LAMC3: variants seen among roughly 807,000 people sequenced by gnomAD.
The protein encoded by LAMC3 is laminin subunit gamma-3.
In LAMC3, 128 loss-of-function variants were observed where a neutral mutation model predicts 173.8. That is an observed-to-expected ratio of 0.74 (90% CI 0.64 to 0.85). The LOEUF is 0.85. Among genes scored for constraint, LAMC3 ranks in the 40% least tolerant of loss-of-function variants. The pLI, the probability that LAMC3 is intolerant of heterozygous loss-of-function variation, is 0.00. For synonymous variants in LAMC3, 897 were observed against 909.1 expected, an observed-to-expected ratio of 0.99 and a Z score of 0.24; for missense variants, 2,022 against 2,156.0, an observed-to-expected ratio of 0.94 and a Z score of 1.23.
At chr9:131,084,163 G>GT (rs1830290810) in intron 24 of LAMC3, among the ~76,000 whole-genome samples, 1 of 151,640 alleles carries the variant, frequency 6.6e-6, no homozygotes, top group Admixed American at 6.6e-5. Flanking sequence ...GATTACAGGC[G>GT]TAAGTCACCG....
intron 8 of LAMC3, among the ~76,000 whole-genome samples, chr9:131,047,789 G>A (rs1297495094): frequency 5.3e-5 from 8 of 151,754 alleles, no homozygotes. Flanking sequence ...CTTGAACCTG[G>A]GAGGCAGAGG....
At chr9:131,046,518 ATTTTTTTTT>A (rs71501242) in intron 8 of LAMC3, among the ~76,000 whole-genome samples, 91 of 49,162 alleles carry the variant, frequency 1.9e-3, no homozygotes, top group African/African-American at 4.6e-3. Flanking sequence ...TAATTTTTGT[ATTTTTTTTT>A]TTTTTTTTTT....
intron 12 of LAMC3, among the ~76,000 whole-genome samples, chr9:131,059,892 G>A (rs147135942): frequency 3.9e-5 from 6 of 152,330 alleles, no homozygotes; most frequent in Non-Finnish European, 5.9e-5. Context: ...ATGCATGAGC[G>A]ACCTGGTTCT....
chr9:131,061,276 CTG>C, intron 13 of LAMC3, 53 bp downstream of exon 13: 1 of 1,476,106 alleles, frequency 6.8e-7, no homozygotes. Flanking sequence ...AGCCCCGGCA[CTG>C]TGACTATGCC....
intron 11 of LAMC3, among the ~76,000 whole-genome samples, chr9:131,056,040 TA>T (rs11355239): frequency 0.73 from 110,204 of 151,040 alleles, 40,660 homozygotes; most frequent in African/African-American, 0.83. Context: ...ACAAAAAATT[TA>T]AAAAATTAGC....
chr9:131,052,805 C>G (rs1834319074), intron 10 of LAMC3, 45 bp from the exon 11 acceptor site: 7 of 1,314,350 alleles, frequency 5.3e-6, no homozygotes, highest in Non-Finnish European at 7.7e-6. Context: ...CATGGTACCC[C>G]CCCACCCTAT....
In LAMC3 at chr9:131,061,136, C is replaced by A. The variant is rs371563171; in HGVS notation, c.2260C>A (p.Pro754Thr). The change falls in exon 13 of 28, where the codon CCC becomes ACC. Residue 754 changes from proline (P) to threonine (T), a missense_variant. By Grantham distance (38) the Pro-to-Thr change is conservative. Transcript: ENST00000361069. Reference sequence around the variant, plus strand: ...CGCGGGCCAAGCCGACGACTGCCAGCCCTGTCCCTGCCCTGGCCAGTCGGC... The same window carrying A: ...CGCGGGCCAAGCCGACGACTGCCAGACCTGTCCCTGCCCTGGCCAGTCGGC... ...PFAGQADDCQ[P>T]CPCPGQSACT... 5.6e-6 allele frequency: 9 copies of A among 1,613,516 alleles called. No homozygotes were observed. The highest frequency in any genetic ancestry group is 7.6e-6 in the Non-Finnish European group (9 of 1,180,008).
At chr9:131,028,461 C>T (rs557474969) in intron 2 of LAMC3, among the ~76,000 whole-genome samples, 1 of 152,290 alleles carries the variant, frequency 6.6e-6, no homozygotes, top group Non-Finnish European at 1.5e-5. Flanking sequence ...ATCCTGTTTC[C>T]AGAGGGGACA....
In LAMC3 at chr9:131,045,614, C is replaced by T. The variant is rs1834141305; in HGVS notation, c.1473C>T (p.Ser491=). Residue 491 remains serine, a synonymous_variant, in exon 8 of 28, where the codon TCC becomes TCT. Transcript: ENST00000361069. The part of the protein sequence containing the change: ...FCYGHSKVCA[S]TAQFQVHHIL... ...ATGGCCACTCCAAGGTGTGCGCGTC[C>T]ACTGCCCAGTTCCAGGTGCATCACA... The T allele has an allele frequency of 2.5e-6, 4 of 1,614,188 alleles. No homozygotes were observed. The highest frequency in any genetic ancestry group is 1.1e-5 in the South Asian group (1 of 91,090).
chr9:131,055,081 A>T (rs1834375378), intron 11 of LAMC3, among the ~76,000 whole-genome samples: 1 of 152,158 alleles, frequency 6.6e-6, no homozygotes, highest in Non-Finnish European at 1.5e-5. Flanking sequence ...ACCGTGTCAC[A>T]GGGAATAGGG....
Position 131,072,756 on chromosome 9 carries a change from C to T in LAMC3, c.3338C>T (p.Thr1113Ile), listed in dbSNP as rs1300939441. The T allele has an allele frequency of 6.2e-7, 1 of 1,613,370 alleles. No individual in the cohort carries two copies. Among genetic ancestry groups the T allele is most frequent in the Admixed American group, 1.7e-5 (1 of 59,900 alleles). Residue 1113 changes from threonine to isoleucine, a missense_variant, in exon 19 of 28, where the codon ACC (threonine) becomes ATC (isoleucine). Coordinates refer to ENST00000361069, the MANE Select transcript of LAMC3 (RefSeq NM_006059.4). ...CAQAGSQKTC[T>I]QLADLEAVLE... ...CAGGCCGGATCCCAGAAGACCTGCA[C>T]CCAGCTGGCAGACCTGGAGGCAGTG...
At position 131,031,555 on chromosome 9, in the gene LAMC3, A is replaced by G. The variant is rs561953934; in HGVS notation, c.679-490A>G. On this transcript the variant is annotated intron_variant, in intron 2 of 27. Transcript: ENST00000361069. ...AGCTGCATGCCAGGCCCCACTGAGC[A>G]GGGGAGAAGGTTGCGGGGGCACACC... 5.3e-5 allele frequency among the ~76,000 whole-genome samples: 8 copies of G among 152,294 alleles called. No individual in the cohort carries two copies. In the East Asian group the frequency reaches 1.4e-3, roughly 26 times the overall value.
intron 19 of LAMC3, 150 bp from the exon 20 acceptor site, chr9:131,073,095 T>G: frequency 1.4e-6 from 1 of 734,044 alleles, no homozygotes; most frequent in Non-Finnish European, 2.4e-6. Context: ...ATCCTAGGAC[T>G]CCGCTCACTG....
At position 131,041,584 on chromosome 9, in the gene LAMC3, C is replaced by T. The variant is rs531560902; in HGVS notation, c.1284-53C>T. ...GCTCCCTTCCTAGGATGGGCTGTTG[C>T]CATTCTGAATTTGCTCATTGCACAT... is the stretch of plus-strand genomic sequence containing the variant. On this transcript the variant is annotated intron_variant, in intron 6 of 27. Transcript: ENST00000361069. 6.6e-6 allele frequency: 10 copies of T among 1,511,342 alleles called. 1 individual carries two copies. In the Admixed American group the frequency reaches 1.0e-4, roughly 16 times the overall value. The allele number at this position is 1,511,342 out of a possible 1,614,324, so 93.6% of individuals were successfully genotyped here.
intron 11 of LAMC3, among the ~76,000 whole-genome samples, chr9:131,055,632 A>T (rs1371401156): frequency 1.3e-5 from 2 of 150,908 alleles, no homozygotes; most frequent in Non-Finnish European, 3.0e-5. Flanking sequence ...TCACCGTGTT[A>T]GCCAGGATGG....
At chr9:131,085,857 A>C in intron 25 of LAMC3, 134 bp downstream of exon 25, 336 of 820,702 alleles carry the variant, frequency 4.1e-4, no homozygotes, top group Middle Eastern at 6.6e-4. Context: ...CAATTAGCTC[A>C]GAGACTTCAC....
chr9:131,071,632 C>A lies in LAMC3; in HGVS notation c.3211+7C>A, dbSNP rs762965680. On this transcript the variant is annotated splice_region_variant and intron_variant, in intron 18 of 27. Coordinates refer to ENST00000361069, the MANE Select transcript of LAMC3 (RefSeq NM_006059.4). ...GGCCATCACCTGCTTCCAGGTACAGCAGGAGCGCAGAGCGGGAGGGTGGGA... is the reference window on the plus strand; with the variant it reads ...GGCCATCACCTGCTTCCAGGTACAGAAGGAGCGCAGAGCGGGAGGGTGGGA... The A allele has an allele frequency of 4.5e-6, 7 of 1,568,848 alleles. No individual in the cohort carries two copies. The highest frequency in any genetic ancestry group is 6.1e-6 in the Non-Finnish European group (7 of 1,154,040).
chr9:131,072,024 G>A (rs1463646711), intron 18 of LAMC3, among the ~76,000 whole-genome samples: 1 of 151,910 alleles, frequency 6.6e-6, no homozygotes, highest in African/African-American at 2.4e-5. Flanking sequence ...GCCAGGTGTG[G>A]TGGCTCGTTC....
At position 131,009,607 on chromosome 9, in the gene LAMC3, A is replaced by G. The variant is rs543566243; in HGVS notation, c.373+20A>G. 8 of 1,559,660 alleles carry G rather than the reference A, an allele frequency of 5.1e-6. No individual in the cohort carries two copies. In the African/African-American group the frequency reaches 9.5e-5, roughly 19 times the overall value. On this transcript the variant is annotated intron_variant, in intron 1 of 27. Transcript: ENST00000361069. This position sits in a 1 kb window ranked among gnomAD's most constrained non-coding sequence, Gnocchi z 4.3. The stretch of plus-strand genomic sequence containing the variant: ...GCCTAGGTAAGCGCGGGCTGGGGGC[A>G]CCGCCACCGCACCCCGTGTCCCCAC...
Sources: gnomAD v4.1 joint callset for allele counts (sites outside exome capture counted in the v4.1 genomes callset) on GRCh38, gnomAD v4.1.1 for gene constraint, Gnocchi (gnomAD v3.1) non-coding constraint, MANE v1.5 for transcripts, NCBI Gene and HGNC (gene_info 2026-07-23, HGNC 2026-07-21) for gene names.